The following PRKAR2B variants were observed in gnomAD, a reference collection of about 807,000 sequenced individuals.
PRKAR2B encodes cAMP-dependent protein kinase type II-beta regulatory subunit.
Under a neutral mutation model 49.9 loss-of-function variants are expected in PRKAR2B, and 14 were observed. That is an observed-to-expected ratio of 0.28 (90% CI 0.19 to 0.44). The LOEUF (loss-of-function observed/expected upper bound fraction) is 0.44, where lower values mean the gene tolerates loss of function less well. Among genes scored for constraint, PRKAR2B ranks in the 20% least tolerant of loss-of-function variants. The pLI is 1.00. For synonymous variants in PRKAR2B, 196 were observed against 197.7 expected, an observed-to-expected ratio of 0.99 and a Z score of 0.07; for missense variants, 393 against 537.9, an observed-to-expected ratio of 0.73 and a Z score of 2.67.
intron 5 of PRKAR2B, among the ~76,000 whole-genome samples, chr7:107,142,177 C>T (rs1262019937): frequency 1.3e-5 from 2 of 152,102 alleles, no homozygotes; most frequent in African/African-American, 2.4e-5. Flanking sequence ...TGAAAATGAC[C>T]TCTTTGGTCT....
intron 2 of PRKAR2B, among the ~76,000 whole-genome samples, chr7:107,104,135 A>G (rs1162532686): frequency 6.6e-6 from 1 of 151,942 alleles, no homozygotes; most frequent in Non-Finnish European, 1.5e-5. Context: ...GGGCTCAAGC[A>G]GTTCTCCTGC....
chr7:107,044,841 G>A lies in PRKAR2B; in HGVS notation c.-67G>A. ...CCGTAGGCGCTCGCTCGGCAGCCGCGGGGCCCTAGGCCGTGCCGGGGAGGG... is the reference window on the plus strand; with the variant it reads ...CCGTAGGCGCTCGCTCGGCAGCCGCAGGGCCCTAGGCCGTGCCGGGGAGGG... On this transcript the variant is annotated 5_prime_UTR_variant, in exon 1 of 11. Coordinates refer to ENST00000265717, the MANE Select transcript of PRKAR2B (RefSeq NM_002736.3). The A allele has an allele frequency of 3.2e-6, 4 of 1,262,488 alleles. No individual in the cohort carries two copies. The highest frequency in any genetic ancestry group is 3.0e-6 in the Non-Finnish European group (3 of 988,052). 78.2% of individuals were successfully genotyped at this position (1,262,488 alleles called of 1,614,324 possible). A position where few individuals can be genotyped will look rare whatever the true frequency, so the allele number is the denominator to read the frequency against.
chr7:107,098,263 C>T (rs1375326218), intron 2 of PRKAR2B, among the ~76,000 whole-genome samples: 1 of 152,118 alleles, frequency 6.6e-6, no homozygotes, highest in East Asian at 1.9e-4. Flanking sequence ...TTCATTTGAT[C>T]TTCAGTCACT....
intron 1 of PRKAR2B, among the ~76,000 whole-genome samples, chr7:107,054,295 A>G (rs1460883740): frequency 6.6e-6 from 1 of 152,104 alleles, no homozygotes; most frequent in Non-Finnish European, 1.5e-5. Context: ...CAGAGCTTGC[A>G]GTGAGCTGAG....
At chr7:107,140,993 C>A in intron 5 of PRKAR2B, 40 bp downstream of exon 5, 2 of 1,450,568 alleles carry the variant, frequency 1.4e-6, no homozygotes, top group East Asian at 2.3e-5. Context: ...TTGAAAGAAC[C>A]TTTTGTGTAA....
chr7:107,086,215 G>T (rs1484819741), intron 2 of PRKAR2B, among the ~76,000 whole-genome samples: 2 of 152,020 alleles, frequency 1.3e-5, no homozygotes, highest in African/African-American at 4.8e-5. Flanking sequence ...GTACAGATCT[G>T]AGGTTCAATG....
At chr7:107,141,948 A>G (rs1263330062) in intron 5 of PRKAR2B, among the ~76,000 whole-genome samples, 4 of 152,234 alleles carry the variant, frequency 2.6e-5, no homozygotes, top group African/African-American at 9.6e-5. Context: ...TCATAGAACA[A>G]TATGCCTTAT....
At position 107,044,845 on chromosome 7, in the gene PRKAR2B, C is replaced by A; in HGVS notation, c.-63C>A. On this transcript the variant is annotated 5_prime_UTR_variant, in exon 1 of 11. Transcript: ENST00000265717. ...AGGCGCTCGCTCGGCAGCCGCGGGG[C>A]CCTAGGCCGTGCCGGGGAGGGGGCG... The A allele has an allele frequency of 6.9e-7, 1 of 1,453,008 alleles. No individual in the cohort carries two copies. Among genetic ancestry groups the A allele is most frequent in the Non-Finnish European group, 9.2e-7 (1 of 1,089,758 alleles). 90.0% of individuals were successfully genotyped at this position (1,453,008 alleles called of 1,614,324 possible).
intron 1 of PRKAR2B, among the ~76,000 whole-genome samples, chr7:107,060,583 C>T (rs1468700733): frequency 6.6e-6 from 1 of 151,702 alleles, no homozygotes. Context: ...GTTTTTCTTA[C>T]TGATTTGTAG....
chr7:107,146,093 C>A (rs1287721460), intron 5 of PRKAR2B, among the ~76,000 whole-genome samples: 1 of 152,028 alleles, frequency 6.6e-6, no homozygotes, highest in African/African-American at 2.4e-5. Flanking sequence ...ATAGTTTTAT[C>A]ATTCCTTATT....
intron 2 of PRKAR2B, among the ~76,000 whole-genome samples, chr7:107,111,754 C>T (rs1019469992): frequency 5.3e-5 from 8 of 151,858 alleles, no homozygotes; most frequent in African/African-American, 9.7e-5. Context: ...TGAGCACTTA[C>T]GGAATTGGGC....
At chr7:107,148,175 T>C (rs1221215743) in intron 6 of PRKAR2B, among the ~76,000 whole-genome samples, 3 of 152,246 alleles carry the variant, frequency 2.0e-5, no homozygotes, top group Admixed American at 6.5e-5. Flanking sequence ...TGTCTGCCTG[T>C]AATTAAAGTG....
chr7:107,145,733 ATTTTTTTT>A (rs916332834), intron 5 of PRKAR2B, among the ~76,000 whole-genome samples: 4 of 93,422 alleles, frequency 4.3e-5, no homozygotes, highest in African/African-American at 1.4e-4. Context: ...TCTTCAGATG[ATTTTTTTT>A]TTTTTTTTTT....
intron 2 of PRKAR2B, among the ~76,000 whole-genome samples, chr7:107,120,605 C>A (rs1343315304): frequency 6.6e-6 from 1 of 152,020 alleles, no homozygotes; most frequent in Non-Finnish European, 1.5e-5. Flanking sequence ...GTAAAAAGCT[C>A]TACCTTTAAA....
intron 5 of PRKAR2B, among the ~76,000 whole-genome samples, chr7:107,145,789 G>A (rs1795881705): frequency 6.8e-6 from 1 of 146,748 alleles, no homozygotes; most frequent in South Asian, 2.1e-4. Flanking sequence ...ACCCAGGCTG[G>A]AGTGCAGTGG....
At chr7:107,062,987 A>G (rs1794055148) in intron 1 of PRKAR2B, among the ~76,000 whole-genome samples, 1 of 152,042 alleles carries the variant, frequency 6.6e-6, no homozygotes, top group Non-Finnish European at 1.5e-5. Flanking sequence ...TCAGAAACTC[A>G]ATACTTGTAT....
In PRKAR2B at chr7:107,161,729, T is replaced by A. The variant is rs542326888; in HGVS notation, c.*2147T>A. On this transcript the variant is annotated 3_prime_UTR_variant, in exon 11 of 11. Coordinates refer to ENST00000265717, the MANE Select transcript of PRKAR2B (RefSeq NM_002736.3). ...TAATTGTGGTGTGTTGCAGATTTAT[T>A]TGGCCATTTAGAATAACCAAATCAA... The A allele has an allele frequency of 6.6e-6, 1 of 152,366 alleles. No individual in the cohort carries two copies. The highest frequency in any genetic ancestry group is 6.5e-5 in the Admixed American group (1 of 15,304). 9.4% of individuals were successfully genotyped at this position (152,366 alleles called of 1,614,324 possible).
At chr7:107,107,895 A>C (rs1480273098) in intron 2 of PRKAR2B, among the ~76,000 whole-genome samples, 4 of 152,056 alleles carry the variant, frequency 2.6e-5, no homozygotes, top group Non-Finnish European at 4.4e-5. Flanking sequence ...TGACCTCGGG[A>C]TCTGCCTGCC....
In PRKAR2B at chr7:107,088,706, C is replaced by T. The variant is rs182405429; in HGVS notation, c.343+18390C>T. The stretch of plus-strand genomic sequence containing the variant: ...TCTCCTCTTCTCGGGTTCAGATGAT[C>T]CTCCTGCCTCAGCCTCTTGAGGAGT... On this transcript the variant is annotated intron_variant, in intron 2 of 10. Transcript: ENST00000265717. Among the ~76,000 whole-genome samples the T allele has an allele frequency of 1.2e-3, 189 of 152,174 alleles. 1 individual carries two copies. Among genetic ancestry groups the T allele is most frequent in the African/African-American group, 4.4e-3 (183 of 41,558 alleles).
Sources: allele counts gnomAD v4.1 joint callset (sites outside exome capture counted in the v4.1 genomes callset), GRCh38; gene constraint gnomAD v4.1.1; transcripts MANE v1.5; gene names NCBI Gene and HGNC (gene_info 2026-07-23, HGNC 2026-07-21).